ABCA12: variants seen among roughly 807,000 people sequenced by gnomAD.
The protein encoded by ABCA12 is glucosylceramide transporter ABCA12.
A neutral mutation model predicts 293.5 loss-of-function variants in ABCA12; 156 were observed. That is an observed-to-expected ratio of 0.53 (90% CI 0.47 to 0.61). The LOEUF is 0.61. Ranked by LOEUF, ABCA12 falls within the 20% of genes least tolerant of loss-of-function variation. The pLI is 0.00. For missense variants in ABCA12, 2,797 were observed against 3,090.2 expected, an observed-to-expected ratio of 0.91 and a Z score of 2.25; for synonymous variants, 1,063 against 1,108.0, an observed-to-expected ratio of 0.96 and a Z score of 0.81.
chr2:214,954,970 C>G (rs1404083228), intron 43 of ABCA12, among the ~76,000 whole-genome samples: 2 of 152,186 alleles, frequency 1.3e-5, no homozygotes, highest in African/African-American at 4.8e-5. Context: ...GATTTCACCT[C>G]TGTCACCACA....
At chr2:214,981,974 TATTATTA>T (rs1257218348) in intron 30 of ABCA12, among the ~76,000 whole-genome samples, 19 of 140,784 alleles carry the variant, frequency 1.3e-4, no homozygotes, top group Middle Eastern at 3.8e-3. Flanking sequence ...TTATTATTAT[TATTATTA>T]TTATTTTATT....
Position 215,000,982 on chromosome 2 carries a change from T to C in ABCA12, c.2902A>G (p.Arg968Gly). 1.2e-6 allele frequency: 2 copies of C among 1,614,104 alleles called. No homozygotes were observed. Among genetic ancestry groups the C allele is most frequent in the Non-Finnish European group, 1.7e-6 (2 of 1,179,964 alleles). ...FKLPSNRSWH[R>G]GYDSGNVFLP... The stretch of plus-strand genomic sequence containing the variant: ...AAGACATTTCCAGAGTCATAGCCTC[T>C]GTGCCAGCTTCTGTTAGAAGGAAGC... Residue 968 changes from arginine to glycine, a missense_variant, in exon 22 of 53, where the codon AGA becomes GGA. Transcript: ENST00000272895.
intron 7 of ABCA12, among the ~76,000 whole-genome samples, chr2:215,038,760 G>A (rs1701039533): frequency 1.3e-5 from 2 of 152,130 alleles, no homozygotes; most frequent in Non-Finnish European, 2.9e-5. Context: ...TTCAAAGACT[G>A]AACATTTGAC....
In ABCA12 at chr2:214,932,062, C is replaced by A. The variant is rs1367009523; in HGVS notation, c.*572G>T. ...GCACTTTTTTTCGGGTTCAGCACGTCCCCATGCATTCACAGGTACCGAAAG... is the reference window on the plus strand; with the variant it reads ...GCACTTTTTTTCGGGTTCAGCACGTACCCATGCATTCACAGGTACCGAAAG... On this transcript the variant is annotated 3_prime_UTR_variant, in exon 53 of 53. Transcript: ENST00000272895. 1 of 157,472 alleles carries A rather than the reference C, an allele frequency of 6.4e-6. No homozygotes were observed. Among genetic ancestry groups the A allele is most frequent in the Non-Finnish European group, 1.4e-5 (1 of 71,814 alleles). The allele number at this position is 157,472 out of a possible 1,614,324, so 9.8% of individuals were successfully genotyped here. A position where few individuals can be genotyped will look rare whatever the true frequency, so the allele number is the denominator to read the frequency against.
intron 23 of ABCA12, among the ~76,000 whole-genome samples, chr2:214,996,527 C>A (rs1201068213): frequency 6.6e-6 from 1 of 152,094 alleles, no homozygotes; most frequent in Non-Finnish European, 1.5e-5. Context: ...ATCATAATTA[C>A]GGTTGAAGGC....
intron 2 of ABCA12, among the ~76,000 whole-genome samples, chr2:215,097,262 G>A (rs1197877638): frequency 1.3e-5 from 2 of 151,630 alleles, no homozygotes; most frequent in African/African-American, 4.8e-5. Flanking sequence ...TTTTTTTTGA[G>A]GACATAGCTT....
chr2:215,054,697 C>T, intron 3 of ABCA12, 33 bp from the exon 4 acceptor site: 6 of 1,526,566 alleles, frequency 3.9e-6, no homozygotes, highest in Non-Finnish European at 5.4e-6. Context: ...TCTGTAACTT[C>T]TCCCACATTA....
rs1559132217 is a variant in ABCA12 at position 214,987,711 on chromosome 2, C to T, written c.3912G>A (p.Lys1304=). The change falls in exon 27 of 53, where the codon AAG becomes AAA. Residue 1304 remains lysine, a synonymous_variant. Coordinates refer to ENST00000272895, the MANE Select transcript of ABCA12 (RefSeq NM_173076.3). The stretch of plus-strand genomic sequence containing the variant: ...ACATGAGGCCATTGCTCTTCTCAGG[C>T]TTCACCTCTGCACACCCAAATCGCT... ...WKERFGCAEV[K]PEKSNGLMFT... is the part of the protein sequence containing the mutation. 3 of 1,614,090 alleles carry T rather than the reference C, an allele frequency of 1.9e-6. No homozygotes were observed. The highest frequency in any genetic ancestry group is 3.3e-5 in the Admixed American group (2 of 60,020).
intron 11 of ABCA12, among the ~76,000 whole-genome samples, chr2:215,024,700 A>G (rs761666544): frequency 5.3e-5 from 8 of 152,192 alleles, no homozygotes; most frequent in Admixed American, 6.5e-5. Context: ...TAATTATACC[A>G]TGTTCACTAT....
At chr2:215,038,471 C>G (rs890625779) in intron 7 of ABCA12, among the ~76,000 whole-genome samples, 2 of 152,180 alleles carry the variant, frequency 1.3e-5, no homozygotes, top group Non-Finnish European at 2.9e-5. Flanking sequence ...CTGCACAGAG[C>G]CCACAGGCAT....
chr2:214,944,995 G>A lies in ABCA12; in HGVS notation c.7343+6C>T. 6.2e-7 allele frequency: 1 copy of A among 1,612,282 alleles called. No homozygotes were observed. The highest frequency in any genetic ancestry group is 8.5e-7 in the Non-Finnish European group (1 of 1,178,922). ...GGATTCGCTTTAAAGATTCCACTCAGTTTACCTGTGAGATGTGAGGATGAC... is the reference window on the plus strand; with the variant it reads ...GGATTCGCTTTAAAGATTCCACTCAATTTACCTGTGAGATGTGAGGATGAC... On this transcript the variant is annotated splice_donor_region_variant and intron_variant, in intron 49 of 52. Coordinates refer to ENST00000272895, the MANE Select transcript of ABCA12 (RefSeq NM_173076.3).
intron 2 of ABCA12, among the ~76,000 whole-genome samples, chr2:215,090,323 C>T (rs929159252): frequency 6.6e-6 from 1 of 152,106 alleles, no homozygotes; most frequent in African/African-American, 2.4e-5. Flanking sequence ...GCTGAAGACC[C>T]GGGACAGGAG....
chr2:214,979,006 G>A lies in ABCA12; in HGVS notation c.4775C>T (p.Thr1592Ile). ...PNLNANAVCD[T>I]MAVTAMIQSH... is the part of the protein sequence containing the mutation. ...TTGGATCATTGCTGTCACGGCCATG[G>A]TGTCACATACTGCATTTGCATTTAA... The change falls in exon 32 of 53, where the codon ACC becomes ATC. Residue 1592 changes from threonine to isoleucine, a missense_variant. Physicochemically the swap from Thr to Ile is moderately conservative, Grantham distance 89. This residue lies in a region of ABCA12 where 2,130 missense variants were observed against 2,427.0 expected (regional missense o/e 0.88). Transcript: ENST00000272895. The A allele has an allele frequency of 6.2e-7, 1 of 1,614,058 alleles. No homozygotes were observed.
intron 2 of ABCA12, among the ~76,000 whole-genome samples, chr2:215,093,258 T>C (rs1702184736): frequency 6.6e-6 from 1 of 152,188 alleles, no homozygotes; most frequent in South Asian, 2.1e-4. Context: ...CAACCCCTTC[T>C]ACAAAGCAAC....
intron 2 of ABCA12, among the ~76,000 whole-genome samples, chr2:215,106,846 C>T (rs1366318409): frequency 6.6e-6 from 1 of 151,634 alleles, no homozygotes; most frequent in Non-Finnish European, 1.5e-5. Context: ...TAGTATAACT[C>T]TGTGATAATA....
In ABCA12 at chr2:214,954,089, C is replaced by T; in HGVS notation, c.6412G>A (p.Glu2138Lys). The change falls in exon 44 of 53, where the codon GAA (glutamate) becomes AAA (lysine). Residue 2138 changes from glutamate (E) to lysine (K), a missense_variant. Coordinates refer to ENST00000272895, the MANE Select transcript of ABCA12 (RefSeq NM_173076.3). ...PNDPTLELIS[E>K]TLKRIFLIFP... ...ATCAGGAAAATGCGCTTGAGGGTTT[C>T]AGAAATAAGTTCTAAAGTCTGAAAT... is the stretch of plus-strand genomic sequence containing the variant. 3.7e-6 allele frequency: 6 copies of T among 1,613,688 alleles called. No individual in the cohort carries two copies. Among genetic ancestry groups the T allele is most frequent in the Non-Finnish European group, 5.1e-6 (6 of 1,179,926 alleles).
intron 2 of ABCA12, among the ~76,000 whole-genome samples, chr2:215,094,113 G>T (rs149795940): frequency 6.6e-6 from 1 of 152,116 alleles, no homozygotes; most frequent in Non-Finnish European, 1.5e-5. Flanking sequence ...GAAGGACTGC[G>T]TGTCAATATT....
intron 18 of ABCA12, 83 bp from the exon 19 acceptor site, chr2:215,007,929 A>G: frequency 6.4e-7 from 1 of 1,555,868 alleles, no homozygotes. Context: ...TTGTTTTGTT[A>G]CGTAACTTCA....
chr2:214,951,069 T>G lies in ABCA12; in HGVS notation c.6662A>C (p.Lys2221Thr). 2 of 1,614,040 alleles carry G rather than the reference T, an allele frequency of 1.2e-6. No homozygotes were observed. Among genetic ancestry groups the G allele is most frequent in the South Asian group, 2.2e-5 (2 of 91,078 alleles). ...LIKKLRLFFRKFNSSHVRETI... is the reference protein window; with the variant it reads ...LIKKLRLFFRTFNSSHVRETI... ...CTCCCTTACATGTGAAGAATTAAATTTTCTGAAGAAAAGCCTAAAAATGGA... is the reference window on the plus strand; with the variant it reads ...CTCCCTTACATGTGAAGAATTAAATGTTCTGAAGAAAAGCCTAAAAATGGA... Residue 2221 changes from lysine to threonine, a missense_variant, in exon 45 of 53, where the codon AAA becomes ACA. By Grantham distance (78) the Lys-to-Thr change is moderately conservative (BLOSUM62 -1). Around this residue, in one of 3 missense-constraint regions of ABCA12, gnomAD observed 2,130 missense variants for 2,427.0 expected, o/e 0.88. Coordinates refer to ENST00000272895, the MANE Select transcript of ABCA12 (RefSeq NM_173076.3).
Sources: allele counts gnomAD v4.1 joint callset (sites outside exome capture counted in the v4.1 genomes callset), GRCh38; gene constraint gnomAD v4.1.1; regional missense constraint gnomAD v4.1.1; transcripts MANE v1.5; gene names NCBI Gene and HGNC (gene_info 2026-07-23, HGNC 2026-07-21).